LARGE1: variants seen among roughly 807,000 people sequenced by gnomAD.
The protein encoded by LARGE1 is LARGE xylosyl- and glucuronyltransferase 1.
In LARGE1, 43 loss-of-function variants were observed where a neutral mutation model predicts 87.6. The observed-to-expected ratio is 0.49, with a 90% confidence interval of 0.38 to 0.63. The LOEUF (loss-of-function observed/expected upper bound fraction) is 0.63. Among genes scored for constraint, LARGE1 ranks in the 30% least tolerant of loss-of-function variants. The pLI is 0.00. For synonymous variants in LARGE1, 434 were observed against 394.6 expected, an observed-to-expected ratio of 1.10 and a Z score of -1.18; for missense variants, 802 against 1,000.2, an observed-to-expected ratio of 0.80 and a Z score of 2.67.
At position 33,609,004 on chromosome 22, in the gene LARGE1, C is replaced by T. The variant is rs963617035; in HGVS notation, c.492-4446G>A. Among the ~76,000 whole-genome samples the T allele has an allele frequency of 5.9e-5, 9 of 152,292 alleles. No homozygotes were observed. In the East Asian group the frequency reaches 1.7e-3, roughly 29 times the overall value. On this transcript the variant is annotated intron_variant, in intron 4 of 14. Coordinates refer to ENST00000397394, the MANE Select transcript of LARGE1 (RefSeq NM_133642.5). ...CTATTACCAATATTAACTTATGATACTGCTTTTTTTCTCTACTACTTTTGC... is the reference window on the plus strand; with the variant it reads ...CTATTACCAATATTAACTTATGATATTGCTTTTTTTCTCTACTACTTTTGC...
chr22:33,215,541 G>A (rs770777812), intron 11 of LARGE1, among the ~76,000 whole-genome samples: 7 of 152,184 alleles, frequency 4.6e-5, no homozygotes, highest in Non-Finnish European at 1.0e-4. Context: ...TTTCAATGGT[G>A]TCCCTGATGA....
At chr22:33,146,127 T>C in the LARGE1 span, among the ~76,000 whole-genome samples, 2 of 152,310 alleles carry the variant, frequency 1.3e-5, no homozygotes, top group South Asian at 2.1e-4. Flanking sequence ...GTAAATATCC[T>C]TGGGACAAAT....
chr22:33,297,840 C>T lies in LARGE1; in HGVS notation c.1730+6389G>A, dbSNP rs188946381. On this transcript the variant is annotated intron_variant, in intron 12 of 14. Transcript: ENST00000397394. ...ACTAAAAATACAAAAATTAGCGAGG[C>T]GTGGTGGCAGGCGCCTGTAATCCTA... is the stretch of plus-strand genomic sequence containing the variant. 9.8e-4 allele frequency among the ~76,000 whole-genome samples: 148 copies of T among 150,262 alleles called. 1 individual carries two copies. Among genetic ancestry groups the T allele is most frequent in the Non-Finnish European group, 7.7e-4 (52 of 67,574 alleles).
At chr22:33,377,157 T>A (rs1488793008) in intron 9 of LARGE1, among the ~76,000 whole-genome samples, 1 of 152,140 alleles carries the variant, frequency 6.6e-6, no homozygotes, top group Admixed American at 6.5e-5. Context: ...CCCTGACAAA[T>A]AGAACCAGGA....
chr22:33,111,076 T>G, the LARGE1 span, among the ~76,000 whole-genome samples: 1 of 152,156 alleles, frequency 6.6e-6, no homozygotes. Context: ...AAGCCTTTTA[T>G]CATACCACTA....
At chr22:33,284,123 T>C (rs1931055240) in intron 12 of LARGE1, among the ~76,000 whole-genome samples, 3 of 152,096 alleles carry the variant, frequency 2.0e-5, no homozygotes, top group Admixed American at 1.3e-4. Flanking sequence ...GTTTTCAGTG[T>C]GTGCTCCTGC....
chr22:33,084,398 C>A, the LARGE1 span, among the ~76,000 whole-genome samples: 1 of 152,008 alleles, frequency 6.6e-6, no homozygotes, highest in Admixed American at 6.6e-5. Flanking sequence ...GTGGCTCATG[C>A]CTTTAATCTC....
At chr22:33,671,385 T>C (rs1033970258) in intron 2 of LARGE1, among the ~76,000 whole-genome samples, 2 of 152,198 alleles carry the variant, frequency 1.3e-5, no homozygotes, top group Non-Finnish European at 2.9e-5. Context: ...TGAACCAAAG[T>C]AAATACTATA....
At chr22:33,647,170 T>C (rs1275748925) in intron 3 of LARGE1, among the ~76,000 whole-genome samples, 2 of 152,194 alleles carry the variant, frequency 1.3e-5, no homozygotes, top group Non-Finnish European at 2.9e-5. Flanking sequence ...TACACATTTT[T>C]GATATGTAAT....
At chr22:33,531,427 G>A (rs1380973499) in intron 6 of LARGE1, among the ~76,000 whole-genome samples, 1 of 152,088 alleles carries the variant, frequency 6.6e-6, no homozygotes, top group Non-Finnish European at 1.5e-5. Context: ...CAAAGTGCTG[G>A]GATTACAGGC....
intron 1 of LARGE1, among the ~76,000 whole-genome samples, chr22:33,803,455 G>A (rs576797031): frequency 3.3e-5 from 5 of 152,186 alleles, no homozygotes; most frequent in African/African-American, 1.2e-4. Flanking sequence ...TCCGTAAGAT[G>A]ATATGACTGG....
chr22:33,289,804 T>A lies in LARGE1; in HGVS notation c.1731-6456A>T, dbSNP rs150694985. On this transcript the variant is annotated intron_variant, in intron 12 of 14. Coordinates refer to ENST00000397394, the MANE Select transcript of LARGE1 (RefSeq NM_133642.5). ...GGGGAAACTGTGAATTTGATAAAGGTTATCCTCCAAAGCCCCCCACAGCCT... is the reference window on the plus strand; with the variant it reads ...GGGGAAACTGTGAATTTGATAAAGGATATCCTCCAAAGCCCCCCACAGCCT... Among the ~76,000 whole-genome samples the A allele has an allele frequency of 6.7e-3, 1,024 of 152,208 alleles. 4 individuals are homozygous for A. The highest frequency in any genetic ancestry group is 0.014 in the Middle Eastern group (4 of 294).
At chr22:33,287,126 G>A (rs1931693873) in intron 12 of LARGE1, among the ~76,000 whole-genome samples, 1 of 152,154 alleles carries the variant, frequency 6.6e-6, no homozygotes, top group African/African-American at 2.4e-5. Context: ...CTGGTTAATT[G>A]CTGTCTTATG....
chr22:33,467,825 T>A (rs938866106), intron 6 of LARGE1, among the ~76,000 whole-genome samples: 6 of 152,100 alleles, frequency 3.9e-5, no homozygotes, highest in Admixed American at 2.0e-4. Context: ...ATTGCTTTGG[T>A]TTTTGTCCAT....
chr22:33,096,737 T>C, the LARGE1 span, among the ~76,000 whole-genome samples: 1 of 151,902 alleles, frequency 6.6e-6, no homozygotes, highest in Admixed American at 6.6e-5. Flanking sequence ...GCTAATTTTT[T>C]TGTATTTTCA....
intron 1 of LARGE1, among the ~76,000 whole-genome samples, chr22:33,881,858 AG>A (rs1325051571): frequency 6.6e-6 from 1 of 152,220 alleles, no homozygotes; most frequent in African/African-American, 2.4e-5. Context: ...CACATGGGGC[AG>A]GTTCTCCAGA....
chr22:33,651,389 C>CAAAAAAAAAAAA (rs59002897), intron 2 of LARGE1, among the ~76,000 whole-genome samples: 1 of 54,354 alleles, frequency 1.8e-5, no homozygotes, highest in African/African-American at 8.1e-5. Flanking sequence ...GACTCCGTCT[C>CAAAAAAAAAAAA]AAAAAAAAAA....
chr22:33,526,920 T>C (rs1446857950), intron 6 of LARGE1, among the ~76,000 whole-genome samples: 1 of 152,320 alleles, frequency 6.6e-6, no homozygotes, highest in African/African-American at 2.4e-5. Flanking sequence ...TCTCAAAGCA[T>C]GGCCTGAAGA....
intron 6 of LARGE1, among the ~76,000 whole-genome samples, chr22:33,466,759 C>T (rs1365274322): frequency 6.6e-6 from 1 of 150,702 alleles, no homozygotes; most frequent in East Asian, 2.0e-4. Context: ...TTTGTTATCA[C>T]CAGGCATGGT....
Sources: gnomAD v4.1 joint callset for allele counts (sites outside exome capture counted in the v4.1 genomes callset) on GRCh38, gnomAD v4.1.1 for gene constraint, MANE v1.5 for transcripts, NCBI Gene and HGNC (gene_info 2026-07-23, HGNC 2026-07-21) for gene names.